The following TRPC5 variants were observed in gnomAD, a reference collection of about 807,000 sequenced individuals.
TRPC5 encodes the protein transient receptor potential cation channel subfamily C member 5, also known as short transient receptor potential channel 5.
A neutral mutation model predicts 56.5 loss-of-function variants in TRPC5; 9 were observed. The observed-to-expected ratio is 0.16, with a 90% CI of 0.10 to 0.28. The LOEUF (loss-of-function observed/expected upper bound fraction) is 0.28. Ranked by LOEUF, TRPC5 falls within the 10% of genes least tolerant of loss-of-function variation. TRPC5 has a pLI of 1.00. For missense variants in TRPC5, 469 were observed against 748.9 expected, an observed-to-expected ratio of 0.63 and a Z score of 4.36; for synonymous variants, 282 against 278.5, an observed-to-expected ratio of 1.01 and a Z score of -0.13.
At chrX:111,841,708 G>A (rs1198629484) in intron 6 of TRPC5, among the ~76,000 whole-genome samples, 1 of 111,236 alleles carries the variant, frequency 9.0e-6, no homozygotes, top group Non-Finnish European at 1.9e-5. Flanking sequence ...TACAATCTCT[G>A]GTGTTTGTTT....
At chrX:111,808,201 T>TC (rs1347675056) in intron 7 of TRPC5, among the ~76,000 whole-genome samples, 1 of 110,278 alleles carries the variant, frequency 9.1e-6, no homozygotes, top group Non-Finnish European at 1.9e-5. Context: ...CAAGCTTGTG[T>TC]CTTTCCCTTC....
chrX:111,861,945 C>A (rs781758380), intron 3 of TRPC5, among the ~76,000 whole-genome samples: 85 of 111,153 alleles, frequency 7.6e-4, no homozygotes, highest in African/African-American at 2.6e-3. Flanking sequence ...GGTGCACTAG[C>A]CACTGAGGAT....
At chrX:111,934,495 G>A (rs1012288674) in intron 2 of TRPC5, among the ~76,000 whole-genome samples, 2 of 110,854 alleles carry the variant, frequency 1.8e-5, no homozygotes, top group African/African-American at 6.6e-5. Context: ...TACCGTTTTA[G>A]TTATTTTTAA....
intron 1 of TRPC5, among the ~76,000 whole-genome samples, chrX:111,982,072 C>T (rs1348440896): frequency 9.0e-6 from 1 of 111,536 alleles, no homozygotes; most frequent in East Asian, 2.8e-4. Flanking sequence ...CATGGTAAGA[C>T]ATGCTTGCTT....
At chrX:112,026,170 A>G (rs773567956) in intron 1 of TRPC5, among the ~76,000 whole-genome samples, 36 of 111,898 alleles carry the variant, frequency 3.2e-4, no homozygotes, top group Non-Finnish European at 6.6e-4. Context: ...GCCCAGTTCA[A>G]GCCCAATCTC....
Position 111,794,462 on chromosome X carries a change from A to G in TRPC5, c.1897-12324T>C, listed in dbSNP as rs187541803. On this transcript the variant is annotated intron_variant, in intron 7 of 10. Transcript: ENST00000262839. ...GTCTTCTAGTCCACAAATACAGTAT[A>G]TCATTTTTTCCATTGTGTTTTATAG... 9.8e-4 allele frequency among the ~76,000 whole-genome samples: 110 copies of G among 111,908 alleles called. 1 individual carries two copies. Among genetic ancestry groups the G allele is most frequent in the Non-Finnish European group, 1.7e-3 (89 of 53,195 alleles).
At chrX:112,031,122 T>A (rs1929575105) in intron 1 of TRPC5, among the ~76,000 whole-genome samples, 1 of 111,933 alleles carries the variant, frequency 8.9e-6, no homozygotes, top group Admixed American at 9.5e-5. Flanking sequence ...TTGCTTTCCA[T>A]AAGAGTTCTG....
At chrX:111,975,926 CAACAACAAAA>C (rs1927914036) in intron 1 of TRPC5, among the ~76,000 whole-genome samples, 1 of 110,862 alleles carries the variant, frequency 9.0e-6, no homozygotes, top group African/African-American at 3.3e-5. Context: ...AAAACAACAA[CAACAACAAAA>C]AACAACAAAA....
intron 1 of TRPC5, among the ~76,000 whole-genome samples, chrX:111,970,053 A>G (rs1927736541): frequency 9.0e-6 from 1 of 110,962 alleles, no homozygotes; most frequent in Admixed American, 9.7e-5. Context: ...TTGTTAGTGA[A>G]TAAACTCTAG....
chrX:111,842,130 A>ATG (rs1215530373), intron 6 of TRPC5, among the ~76,000 whole-genome samples: 2 of 83,252 alleles, frequency 2.4e-5, no homozygotes, highest in Admixed American at 1.2e-4. Flanking sequence ...TTATATATAT[A>ATG]TGTATATATA....
At chrX:111,906,606 C>G (rs1338725774) in intron 3 of TRPC5, among the ~76,000 whole-genome samples, 1 of 111,590 alleles carries the variant, frequency 9.0e-6, no homozygotes, top group East Asian at 2.8e-4. Flanking sequence ...AAAAAATGTT[C>G]TGTGTGAAAT....
intron 7 of TRPC5, among the ~76,000 whole-genome samples, chrX:111,815,631 G>C (rs922535287): frequency 9.0e-6 from 1 of 110,521 alleles, no homozygotes; most frequent in East Asian, 2.8e-4. Context: ...TGAGGCAGGC[G>C]AATTGCTTTA....
intron 5 of TRPC5, among the ~76,000 whole-genome samples, chrX:111,849,838 A>T (rs1923034640): frequency 1.8e-5 from 2 of 111,776 alleles, no homozygotes; most frequent in African/African-American, 3.3e-5. Context: ...GCCCATGGTA[A>T]CCCTGCTCAT....
chrX:112,008,843 T>C (rs919777021), intron 1 of TRPC5, among the ~76,000 whole-genome samples: 1 of 111,612 alleles, frequency 9.0e-6, no homozygotes, highest in African/African-American at 3.3e-5. Context: ...TTAATCATAA[T>C]CTTAATCATA....
chrX:111,934,429 T>C (rs902492621), intron 2 of TRPC5, among the ~76,000 whole-genome samples: 12 of 111,437 alleles, frequency 1.1e-4, no homozygotes, highest in Admixed American at 9.6e-4. Context: ...TCAGGATAAA[T>C]GGGGTATACA....
At chrX:111,781,312 T>C in intron 8 of TRPC5, 106 bp from the exon 9 acceptor site, 2 of 693,948 alleles carry the variant, frequency 2.9e-6, no homozygotes, top group Non-Finnish European at 4.5e-6. Context: ...TAGAGAATGC[T>C]ACAGGAGCTC....
At chrX:111,973,773 G>T (rs1176695075) in intron 1 of TRPC5, among the ~76,000 whole-genome samples, 1 of 112,057 alleles carries the variant, frequency 8.9e-6, no homozygotes, top group African/African-American at 3.2e-5. Flanking sequence ...AAGTAATAAT[G>T]AAAACAAAGT....
At chrX:111,865,551 C>A (rs1406647800) in intron 3 of TRPC5, among the ~76,000 whole-genome samples, 1 of 110,196 alleles carries the variant, frequency 9.1e-6, no homozygotes, top group African/African-American at 3.3e-5. Flanking sequence ...TGGTCTTGAT[C>A]TCTTGCCCTC....
intron 9 of TRPC5, among the ~76,000 whole-genome samples, chrX:111,780,585 C>T (rs1569525054): frequency 9.0e-6 from 1 of 111,207 alleles, no homozygotes; most frequent in Non-Finnish European, 1.9e-5. Context: ...TGCAGTCACC[C>T]TGCAGAACCT....
Sources: gnomAD v4.1 joint callset for allele counts (sites outside exome capture counted in the v4.1 genomes callset) on GRCh38, gnomAD v4.1.1 for gene constraint, MANE v1.5 for transcripts, NCBI Gene and HGNC (gene_info 2026-07-23, HGNC 2026-07-21) for gene names.